RGS7: variants seen among roughly 807,000 people sequenced by gnomAD.
RGS7 encodes regulator of G-protein signaling 7.
In RGS7, 27 loss-of-function variants were observed where a neutral mutation model predicts 81.1. The ratio of observed to expected loss-of-function variants is 0.33; its 90% CI spans 0.25 to 0.46. The LOEUF is 0.46. RGS7 is among the 20% of genes least tolerant of loss of function. RGS7 has a pLI of 1.00. For synonymous variants in RGS7, 208 were observed against 207.7 expected (o/e 1.00, Z -0.01); for missense variants, 396 against 607.4 (o/e 0.65, Z 3.66).
intron 2 of RGS7, among the ~76,000 whole-genome samples, chr1:241,246,799 G>C (rs2076571758): frequency 6.6e-6 from 1 of 151,868 alleles, no homozygotes; most frequent in Admixed American, 6.6e-5. Flanking sequence ...TAGAATTAGA[G>C]GCCCATGCTT....
At chr1:241,134,932 C>A (rs1572842341) in intron 2 of RGS7, among the ~76,000 whole-genome samples, 1 of 151,522 alleles carries the variant, frequency 6.6e-6, no homozygotes, top group African/African-American at 2.4e-5. Flanking sequence ...AAGACACCTA[C>A]CCCGGCCGGA....
chr1:241,222,336 C>A (rs2075063196), intron 2 of RGS7, among the ~76,000 whole-genome samples: 1 of 152,158 alleles, frequency 6.6e-6, no homozygotes, highest in South Asian at 2.1e-4. Flanking sequence ...TGGTCTTTAC[C>A]CCGAAATTAC....
chr1:241,351,060 G>A (rs937584879), intron 2 of RGS7, among the ~76,000 whole-genome samples: 1 of 152,106 alleles, frequency 6.6e-6, no homozygotes, highest in African/African-American at 2.4e-5. Flanking sequence ...CTTCCTGGTT[G>A]GGTGATAGCT....
chr1:240,875,685 TC>T (rs1665282425), intron 6 of RGS7, among the ~76,000 whole-genome samples: 1 of 152,158 alleles, frequency 6.6e-6, no homozygotes, highest in South Asian at 2.1e-4. Context: ...CTCCACATTC[TC>T]CCCAACGCTT....
rs188021711 is a variant in RGS7, at chr1:241,240,534, G to A, written c.78+115165C>T. Among the ~76,000 whole-genome samples the A allele has an allele frequency of 2.6e-5, 4 of 152,322 alleles. No homozygotes were observed. The East Asian group carries it at 5.8e-4, about 22-fold the overall frequency. On this transcript the variant is annotated intron_variant, in intron 2 of 18. Transcript: ENST00000440928. The stretch of plus-strand genomic sequence containing the variant: ...TTAGATTAGATCAAACTAGGTTGCC[G>A]CTTCTAAGGTAGTGAACGTGTAAAA...
intron 18 of RGS7, among the ~76,000 whole-genome samples, chr1:240,793,863 C>T (rs1686532129): frequency 6.6e-6 from 1 of 151,966 alleles, no homozygotes. Context: ...CAGTCCGCCT[C>T]AGCCTCCCAA....
At chr1:241,130,335 A>G (rs1016719513) in intron 2 of RGS7, among the ~76,000 whole-genome samples, 1 of 149,120 alleles carries the variant, frequency 6.7e-6, no homozygotes, top group Non-Finnish European at 1.5e-5. Flanking sequence ...TTAAGTGATT[A>G]ACATAAATTA....
chr1:240,847,186 A>C (rs1416901000), intron 9 of RGS7, among the ~76,000 whole-genome samples: 4 of 151,944 alleles, frequency 2.6e-5, no homozygotes, highest in Non-Finnish European at 4.4e-5. Context: ...CTTTTTACCC[A>C]CCTCCTCATC....
intron 2 of RGS7, among the ~76,000 whole-genome samples, chr1:241,176,575 A>G (rs960521949): frequency 2.0e-5 from 3 of 152,082 alleles, no homozygotes; most frequent in Non-Finnish European, 2.9e-5. Context: ...AAAGTCTGAG[A>G]TTTGGGCTCA....
chr1:241,000,067 G>C (rs1687904064), intron 3 of RGS7, among the ~76,000 whole-genome samples: 1 of 152,160 alleles, frequency 6.6e-6, no homozygotes, highest in Admixed American at 6.5e-5. Context: ...GGGTGGCCTG[G>C]TCACCACTGT....
At chr1:240,997,241 T>C (rs1687430826) in intron 3 of RGS7, among the ~76,000 whole-genome samples, 1 of 152,134 alleles carries the variant, frequency 6.6e-6, no homozygotes, top group African/African-American at 2.4e-5. Context: ...CCTCCCAAAC[T>C]GCTAAGTATG....
At chr1:240,780,977 A>G (rs1163469062) in intron 18 of RGS7, among the ~76,000 whole-genome samples, 1 of 151,550 alleles carries the variant, frequency 6.6e-6, no homozygotes, top group Non-Finnish European at 1.5e-5. Context: ...TGAAACTCAG[A>G]TACAGTCATT....
chr1:241,090,639 T>G (rs2063814900), intron 3 of RGS7, among the ~76,000 whole-genome samples: 1 of 152,196 alleles, frequency 6.6e-6, no homozygotes, highest in Non-Finnish European at 1.5e-5. Context: ...TTTATTATTA[T>G]CTTATCCTAT....
chr1:240,884,679 G>A (rs543582847), intron 6 of RGS7, among the ~76,000 whole-genome samples: 1 of 152,164 alleles, frequency 6.6e-6, no homozygotes, highest in Admixed American at 6.5e-5. Context: ...TTCAATAAAT[G>A]GTGCGGGATA....
chr1:241,104,391 G>A (rs2064970460), intron 2 of RGS7, among the ~76,000 whole-genome samples: 1 of 152,198 alleles, frequency 6.6e-6, no homozygotes, highest in Admixed American at 6.5e-5. Context: ...CTGAGTTCAT[G>A]TTGGCCCCTG....
chr1:241,068,251 T>TATATATATATATATATATA (rs2062204402), intron 3 of RGS7, among the ~76,000 whole-genome samples: 1 of 123,514 alleles, frequency 8.1e-6, no homozygotes, highest in African/African-American at 2.9e-5. Context: ...TATATATATA[T>TATATATATATATATATATA]ATATATAAAA....
chr1:241,303,814 C>T (rs1294199035), intron 2 of RGS7, among the ~76,000 whole-genome samples: 1 of 152,176 alleles, frequency 6.6e-6, no homozygotes, highest in East Asian at 1.9e-4. Context: ...TTTCATTTAA[C>T]ATGTTCCTCT....
At chr1:241,006,236 A>C (rs943149124) in intron 3 of RGS7, among the ~76,000 whole-genome samples, 2 of 152,220 alleles carry the variant, frequency 1.3e-5, no homozygotes, top group African/African-American at 4.8e-5. Context: ...AAGGTTAGCA[A>C]ATATTAATGC....
intron 2 of RGS7, among the ~76,000 whole-genome samples, chr1:241,148,708 T>G (rs886949384): frequency 6.6e-6 from 1 of 152,244 alleles, no homozygotes; most frequent in Non-Finnish European, 1.5e-5. Flanking sequence ...TCAAGACTGG[T>G]GTTATTGTAA....
Sources: allele counts gnomAD v4.1 joint callset (sites outside exome capture counted in the v4.1 genomes callset), GRCh38; gene constraint gnomAD v4.1.1; transcripts MANE v1.5; gene names NCBI Gene and HGNC (gene_info 2026-07-23, HGNC 2026-07-21).